The following TBCK variants were observed in gnomAD, a reference collection of about 807,000 sequenced individuals.
The protein encoded by TBCK is TBC1 domain containing kinase.
A neutral mutation model predicts 113.4 loss-of-function variants in TBCK; 99 were observed. The observed-to-expected ratio is 0.87, with a 90% confidence interval of 0.74 to 1.03. The LOEUF is 1.03. Ranked by LOEUF, TBCK falls within the 50% of genes least tolerant of loss-of-function variation. TBCK has a pLI of 0.00. For missense variants in TBCK, 1,045 were observed against 1,061.3 expected, an observed-to-expected ratio of 0.98 and a Z score of 0.21; for synonymous variants, 369 against 370.8, an observed-to-expected ratio of 1.00 and a Z score of 0.05.
At chr4:106,134,179 AT>A (rs202242552) in intron 23 of TBCK, among the ~76,000 whole-genome samples, 2 of 151,324 alleles carry the variant, frequency 1.3e-5, no homozygotes, top group South Asian at 2.1e-4. Flanking sequence ...AAACTCTGAG[AT>A]TTTTTTTTAA....
rs985066933 is a variant in TBCK at position 106,113,859 on chromosome 4, C to T, written c.2411+2344G>A. On this transcript the variant is annotated intron_variant, in intron 24 of 25. Transcript: ENST00000394708. ...CTCTATTGGGCCCATCTCTTAGATA[C>T]GCCTTTCTTCAGCCCTATTATTTAA... 5.3e-5 allele frequency among the ~76,000 whole-genome samples: 8 copies of T among 152,164 alleles called. No individual in the cohort carries two copies. The East Asian group carries it at 5.8e-4, about 11-fold the overall frequency.
At chr4:106,264,094 C>T (rs1404924614) in intron 3 of TBCK, among the ~76,000 whole-genome samples, 1 of 151,872 alleles carries the variant, frequency 6.6e-6, no homozygotes, top group African/African-American at 2.4e-5. Flanking sequence ...TCACAACTTC[C>T]CCAATTTTCT....
At chr4:106,249,614 A>T (rs1761208866) in intron 7 of TBCK, among the ~76,000 whole-genome samples, 1 of 152,124 alleles carries the variant, frequency 6.6e-6, no homozygotes. Flanking sequence ...TATTGTACAT[A>T]ATTTGGAAAA....
chr4:106,112,080 A>G (rs951564270), intron 24 of TBCK, among the ~76,000 whole-genome samples: 15 of 152,294 alleles, frequency 9.8e-5, no homozygotes, highest in South Asian at 2.1e-4. Flanking sequence ...ACTCCCCTAC[A>G]GATGACCCCA....
At chr4:106,263,049 G>A (rs1762645313) in intron 3 of TBCK, among the ~76,000 whole-genome samples, 1 of 151,772 alleles carries the variant, frequency 6.6e-6, no homozygotes, top group African/African-American at 2.4e-5. Flanking sequence ...AAATCTCAGA[G>A]CATAAGACAA....
chr4:106,315,275 T>C (rs541682521), intron 1 of TBCK, among the ~76,000 whole-genome samples: 2 of 152,000 alleles, frequency 1.3e-5, no homozygotes, highest in African/African-American at 4.8e-5. Flanking sequence ...GGGCAAAGGA[T>C]AATGAACAAG....
chr4:106,182,864 T>C (rs1752566643), intron 22 of TBCK, among the ~76,000 whole-genome samples: 1 of 152,108 alleles, frequency 6.6e-6, no homozygotes, highest in Admixed American at 6.6e-5. Flanking sequence ...CTATCACTAC[T>C]TAATGTACTG....
At chr4:106,214,464 T>C (rs1234054417) in intron 19 of TBCK, among the ~76,000 whole-genome samples, 1 of 150,796 alleles carries the variant, frequency 6.6e-6, no homozygotes, top group Non-Finnish European at 1.5e-5. Context: ...TTGAAAACTT[T>C]GAAAAAAATT....
intron 23 of TBCK, among the ~76,000 whole-genome samples, chr4:106,119,373 C>A (rs1247455754): frequency 6.6e-6 from 1 of 152,140 alleles, no homozygotes. Context: ...TTACAGCCAA[C>A]TGATTCTTGA....
intron 19 of TBCK, among the ~76,000 whole-genome samples, chr4:106,223,847 A>G (rs1014738973): frequency 4.6e-5 from 7 of 152,132 alleles, no homozygotes; most frequent in Admixed American, 1.3e-4. Context: ...TTGTTTTCCA[A>G]TATGGCTGAA....
intron 3 of TBCK, among the ~76,000 whole-genome samples, chr4:106,291,496 G>C (rs1765709499): frequency 6.6e-6 from 1 of 152,170 alleles, no homozygotes; most frequent in African/African-American, 2.4e-5. Flanking sequence ...GTGGCGACCA[G>C]CTATCCAATG....
At chr4:106,109,122 T>G (rs1050725258) in intron 24 of TBCK, among the ~76,000 whole-genome samples, 3 of 150,326 alleles carry the variant, frequency 2.0e-5, no homozygotes, top group African/African-American at 7.4e-5. Flanking sequence ...CTCAAAGAAA[T>G]CAGAGAAGAC....
chr4:106,080,703 C>A (rs908359209), intron 25 of TBCK, among the ~76,000 whole-genome samples: 1 of 152,102 alleles, frequency 6.6e-6, no homozygotes, highest in African/African-American at 2.4e-5. Context: ...TTCTGCACAA[C>A]CAAATATTTA....
rs76746768 is a variant in TBCK at position 106,079,720 on chromosome 4, T to C, written c.2571+15762A>G. Reference sequence around the variant, plus strand: ...AAAAGGAAGTGTATTAGTCTGTTCTTGCATTGTTATAAATAATTGCCTGAG... The same window carrying C: ...AAAAGGAAGTGTATTAGTCTGTTCTCGCATTGTTATAAATAATTGCCTGAG... On this transcript the variant is annotated intron_variant, in intron 25 of 25. Coordinates refer to ENST00000394708, the MANE Select transcript of TBCK (RefSeq NM_001163435.3). 1.0e-2 allele frequency among the ~76,000 whole-genome samples: 1,515 copies of C among 152,254 alleles called. 20 individuals are homozygous for C. Among genetic ancestry groups the C allele is most frequent in the African/African-American group, 0.035 (1,441 of 41,532 alleles).
At chr4:106,235,490 C>A in intron 14 of TBCK, 123 bp from the exon 15 acceptor site, 1 of 524,788 alleles carries the variant, frequency 1.9e-6, no homozygotes, top group Non-Finnish European at 3.2e-6. Context: ...AAAGTATGTG[C>A]AATTATTGTG....
chr4:106,289,767 C>CG (rs1765488219), intron 3 of TBCK, among the ~76,000 whole-genome samples: 1 of 65,244 alleles, frequency 1.5e-5, no homozygotes, highest in Non-Finnish European at 3.1e-5. Flanking sequence ...GACTCTGTCT[C>CG]AAAAAAAAAA....
In TBCK at chr4:106,050,034, A is replaced by G. The variant is rs111276298; in HGVS notation, c.2572-3354T>C. ...ATATGTGGAGAGCAAGTCACTTTGC[A>G]CTAGAAGAGGCTGCTGTGTTTGTAG... On this transcript the variant is annotated intron_variant, in intron 25 of 25. Coordinates refer to ENST00000394708, the MANE Select transcript of TBCK (RefSeq NM_001163435.3). Among the ~76,000 whole-genome samples the G allele has an allele frequency of 7.1e-3, 1,076 of 152,150 alleles. 6 individuals carry two copies. Among genetic ancestry groups the G allele is most frequent in the Non-Finnish European group, 0.013 (878 of 67,952 alleles).
chr4:106,103,406 A>C (rs537329969), intron 24 of TBCK, among the ~76,000 whole-genome samples: 173 of 152,314 alleles, frequency 1.1e-3, no homozygotes, highest in African/African-American at 4.1e-3. Flanking sequence ...TGCATGTCTC[A>C]CTGACTCATT....
In TBCK at chr4:106,194,904, T is replaced by C. The variant is rs1159713059; in HGVS notation, c.1861-150A>G. 4 of 758,090 alleles carry C rather than the reference T, an allele frequency of 5.3e-6. No individual in the cohort carries two copies. In the South Asian group the frequency reaches 7.3e-5, roughly 14 times the overall value. The allele number at this position is 758,090 out of a possible 1,614,324, so 47.0% of individuals were successfully genotyped here. Reference sequence around the variant, plus strand: ...ATAAAAGAGAATGTAGTGTTAAGTTTAGCCTAAAGCTGCCTCCTTAAATGT... The same window carrying C: ...ATAAAAGAGAATGTAGTGTTAAGTTCAGCCTAAAGCTGCCTCCTTAAATGT... On this transcript the variant is annotated intron_variant, in intron 20 of 25. Coordinates refer to ENST00000394708, the MANE Select transcript of TBCK (RefSeq NM_001163435.3).
Sources: gnomAD v4.1 joint callset for allele counts (sites outside exome capture counted in the v4.1 genomes callset) on GRCh38, gnomAD v4.1.1 for gene constraint, MANE v1.5 for transcripts, NCBI Gene and HGNC (gene_info 2026-07-23, HGNC 2026-07-21) for gene names.